DOCK3: variants seen among roughly 807,000 people sequenced by gnomAD.
DOCK3 encodes dedicator of cytokinesis 3, also known as dedicator of cytokinesis protein 3.
DOCK3 carries 60 observed loss-of-function variants against 265.6 expected under a neutral mutation model. The observed-to-expected ratio is 0.23, with a 90% CI of 0.18 to 0.28. The LOEUF (loss-of-function observed/expected upper bound fraction) is 0.28, where lower values mean the gene tolerates loss of function less well. Ranked by LOEUF, DOCK3 falls within the 10% of genes least tolerant of loss-of-function variation. The pLI is 1.00. For missense variants in DOCK3, 1,981 were observed against 2,594.3 expected (o/e 0.76, Z 5.14); for synonymous variants, 881 against 938.0 (o/e 0.94, Z 1.11).
At chr3:51,025,561 C>T (rs972716698) in intron 5 of DOCK3, among the ~76,000 whole-genome samples, 1 of 152,178 alleles carries the variant, frequency 6.6e-6, no homozygotes, top group African/African-American at 2.4e-5. Flanking sequence ...AAGTCACGTG[C>T]CCAGCTTCTG....
intron 6 of DOCK3, among the ~76,000 whole-genome samples, chr3:51,065,136 T>C (rs563299529): frequency 6.6e-6 from 1 of 152,142 alleles, no homozygotes; most frequent in South Asian, 2.1e-4. Flanking sequence ...AAGACTTTGG[T>C]ATGGGAAGTT....
intron 15 of DOCK3, among the ~76,000 whole-genome samples, chr3:51,226,715 G>A (rs746136338): frequency 1.8e-4 from 28 of 152,148 alleles, no homozygotes; most frequent in Non-Finnish European, 3.4e-4. Context: ...AAAGCTTCCT[G>A]TTGTCCAGAC....
In DOCK3 at chr3:51,383,609, C is replaced by T. The variant is rs1462204243; in HGVS notation, c.*2050C>T. 1.3e-5 allele frequency: 2 copies of T among 152,306 alleles called. No homozygotes were observed. The highest frequency in any genetic ancestry group is 2.9e-5 in the Non-Finnish European group (2 of 68,050). The allele number at this position is 152,306 out of a possible 1,614,324, so 9.4% of individuals were successfully genotyped here. ...AGGGGAGTATGGGTTCATTTGGCTTCGCATTATGCAAGGTGAAACCGTTTG... is the reference window on the plus strand; with the variant it reads ...AGGGGAGTATGGGTTCATTTGGCTTTGCATTATGCAAGGTGAAACCGTTTG... On this transcript the variant is annotated 3_prime_UTR_variant, in exon 53 of 53. Coordinates refer to ENST00000266037, the MANE Select transcript of DOCK3 (RefSeq NM_004947.5).
chr3:50,917,916 A>G (rs908447396), intron 4 of DOCK3, among the ~76,000 whole-genome samples: 2 of 151,774 alleles, frequency 1.3e-5, no homozygotes, highest in Non-Finnish European at 2.9e-5. Context: ...TCCCTCCCCC[A>G]ACCCCATGAC....
In DOCK3 at chr3:51,350,409, G is replaced by C; in HGVS notation, c.4107+17G>C. The C allele has an allele frequency of 6.2e-7, 1 of 1,602,896 alleles. No homozygotes were observed. The highest frequency in any genetic ancestry group is 1.8e-5 in the Admixed American group (1 of 57,112). On this transcript the variant is annotated intron_variant, in intron 40 of 52. Transcript: ENST00000266037. ...TTTCTTCGGGTGAGTCCATTCAGAT[G>C]GTCACAAGAACTTATATATTTTACG...
chr3:50,798,862 A>G (rs1312209777), intron 2 of DOCK3, among the ~76,000 whole-genome samples: 1 of 152,168 alleles, frequency 6.6e-6, no homozygotes, highest in Non-Finnish European at 1.5e-5. Flanking sequence ...TGGGTTTTAC[A>G]TTTAGGTTTT....
chr3:50,846,817 A>G (rs994861424), intron 3 of DOCK3, among the ~76,000 whole-genome samples: 1 of 151,874 alleles, frequency 6.6e-6, no homozygotes, highest in African/African-American at 2.4e-5. Context: ...CGTGTTCCTA[A>G]TGGTGTTTGA....
intron 26 of DOCK3, 88 bp downstream of exon 26, chr3:51,277,842 A>G: frequency 1.3e-6 from 2 of 1,544,424 alleles, no homozygotes; most frequent in Non-Finnish European, 1.7e-6. Flanking sequence ...CCATCCCACC[A>G]CCTTCATCTC....
intron 1 of DOCK3, among the ~76,000 whole-genome samples, chr3:50,748,152 T>A (rs1174313588): frequency 6.6e-6 from 1 of 152,158 alleles, no homozygotes; most frequent in African/African-American, 2.4e-5. Context: ...GAAAGTGGTG[T>A]AAGTAGACAT....
chr3:50,831,777 C>T (rs536643400), intron 2 of DOCK3, among the ~76,000 whole-genome samples: 125 of 152,064 alleles, frequency 8.2e-4, no homozygotes, highest in Non-Finnish European at 1.3e-3. Flanking sequence ...ATGGTATTTC[C>T]GGTTCTAGAT....
At chr3:51,058,480 G>C (rs984818509) in intron 5 of DOCK3, among the ~76,000 whole-genome samples, 2 of 152,184 alleles carry the variant, frequency 1.3e-5, no homozygotes, top group Non-Finnish European at 2.9e-5. Flanking sequence ...GTGTGTGTTT[G>C]TGCGTGTGGC....
intron 1 of DOCK3, among the ~76,000 whole-genome samples, chr3:50,680,617 C>T (rs956854946): frequency 6.7e-6 from 1 of 148,194 alleles, no homozygotes; most frequent in African/African-American, 2.5e-5. Context: ...CTCCTGGGCT[C>T]AAGCCATCCT....
At chr3:50,836,224 C>G (rs781526969) in intron 2 of DOCK3, among the ~76,000 whole-genome samples, 5 of 152,222 alleles carry the variant, frequency 3.3e-5, no homozygotes, top group Non-Finnish European at 5.9e-5. Flanking sequence ...GGGGGGACTC[C>G]ATGTGGGGGC....
chr3:51,114,973 G>A (rs1378011682), intron 9 of DOCK3, among the ~76,000 whole-genome samples: 2 of 152,074 alleles, frequency 1.3e-5, no homozygotes, highest in African/African-American at 2.4e-5. Flanking sequence ...TCCCTGCAAA[G>A]GACATGAACT....
At chr3:51,253,433 G>T (rs2079371618) in intron 22 of DOCK3, among the ~76,000 whole-genome samples, 1 of 152,184 alleles carries the variant, frequency 6.6e-6, no homozygotes, top group African/African-American at 2.4e-5. Context: ...AGTTTCAGAA[G>T]GAGTGGTACC....
chr3:51,170,288 C>T (rs1374753883), intron 12 of DOCK3, among the ~76,000 whole-genome samples: 1 of 149,834 alleles, frequency 6.7e-6, no homozygotes, highest in Non-Finnish European at 1.5e-5. Context: ...GATCCCTTCA[C>T]TTCATTTTTT....
At chr3:51,215,513 T>C (rs1198060584) in intron 14 of DOCK3, among the ~76,000 whole-genome samples, 3 of 152,216 alleles carry the variant, frequency 2.0e-5, no homozygotes, top group Non-Finnish European at 4.4e-5. Context: ...ACTGAACTGA[T>C]TGTGATCACT....
intron 27 of DOCK3, among the ~76,000 whole-genome samples, chr3:51,284,812 T>C (rs1238989127): frequency 6.6e-5 from 10 of 152,162 alleles, no homozygotes; most frequent in Admixed American, 3.3e-4. Flanking sequence ...ACAACTTCTA[T>C]AGCTCCCACC....
At chr3:50,687,946 T>G (rs1185957354) in intron 1 of DOCK3, among the ~76,000 whole-genome samples, 2 of 152,228 alleles carry the variant, frequency 1.3e-5, no homozygotes, top group East Asian at 3.8e-4. Context: ...TTGTCAACAT[T>G]GCTGGACTTG....
Sources: allele counts gnomAD v4.1 joint callset (sites outside exome capture counted in the v4.1 genomes callset), GRCh38; gene constraint gnomAD v4.1.1; transcripts MANE v1.5; gene names NCBI Gene and HGNC (gene_info 2026-07-23, HGNC 2026-07-21).